GRID1: variants seen among roughly 807,000 people sequenced by gnomAD.
GRID1 encodes the protein glutamate ionotropic receptor delta type subunit 1, also known as glutamate receptor ionotropic, delta-1.
A neutral mutation model predicts 98.0 loss-of-function variants in GRID1; 28 were observed. The observed-to-expected ratio is 0.29, with a 90% CI of 0.21 to 0.39. The LOEUF (loss-of-function observed/expected upper bound fraction) is 0.39, where lower values mean the gene tolerates loss of function less well. Ranked by LOEUF, GRID1 falls within the 10% of genes least tolerant of loss-of-function variation. GRID1 has a pLI of 1.00. For missense variants in GRID1, 1,111 were observed against 1,340.5 expected (o/e 0.83, Z 2.67); for synonymous variants, 553 against 538.5 (o/e 1.03, Z -0.37).
chr10:85,693,549 G>GT (rs1256812781), intron 12 of GRID1, among the ~76,000 whole-genome samples: 1 of 150,320 alleles, frequency 6.7e-6, no homozygotes, highest in African/African-American at 2.5e-5. Flanking sequence ...CAAGGCTATA[G>GT]TAAAAAAAAA....
intron 2 of GRID1, among the ~76,000 whole-genome samples, chr10:86,329,114 G>T (rs372678241): frequency 5.3e-5 from 8 of 152,212 alleles, no homozygotes; most frequent in Non-Finnish European, 1.0e-4. Flanking sequence ...ACAAATATCC[G>T]CCAGCATTGC....
chr10:85,657,528 A>C (rs974124417), intron 12 of GRID1, among the ~76,000 whole-genome samples: 1 of 152,240 alleles, frequency 6.6e-6, no homozygotes, highest in East Asian at 1.9e-4. Context: ...TTGGCCTTTA[A>C]AAATATCTAG....
chr10:85,866,259 T>C (rs1843220301), intron 6 of GRID1, among the ~76,000 whole-genome samples: 1 of 140,084 alleles, frequency 7.1e-6, no homozygotes, highest in Admixed American at 7.5e-5. Flanking sequence ...CCTGCAGTGA[T>C]GCCTTTAAAA....
intron 12 of GRID1, among the ~76,000 whole-genome samples, chr10:85,658,266 T>C (rs921597035): frequency 1.3e-5 from 2 of 152,198 alleles, no homozygotes; most frequent in Non-Finnish European, 2.9e-5. Flanking sequence ...CCCTCTAGTG[T>C]GTCAGCTTCT....
chr10:86,105,164 C>T (rs904227391), intron 4 of GRID1, among the ~76,000 whole-genome samples: 3 of 152,148 alleles, frequency 2.0e-5, no homozygotes, highest in South Asian at 2.1e-4. Context: ...TTCAATTTAA[C>T]GAGCCATGTT....
At chr10:85,875,499 A>G (rs1247372074) in intron 5 of GRID1, among the ~76,000 whole-genome samples, 1 of 152,100 alleles carries the variant, frequency 6.6e-6, no homozygotes, top group African/African-American at 2.4e-5. Flanking sequence ...GATTATTTAT[A>G]TATTTGGATT....
intron 12 of GRID1, among the ~76,000 whole-genome samples, chr10:85,691,707 T>C (rs1391127513): frequency 6.6e-6 from 1 of 152,226 alleles, no homozygotes; most frequent in Non-Finnish European, 1.5e-5. Flanking sequence ...TTCTCCCAAA[T>C]TTCCCACTAC....
chr10:85,964,577 G>A (rs1328875070), intron 4 of GRID1, among the ~76,000 whole-genome samples: 2 of 152,004 alleles, frequency 1.3e-5, no homozygotes, highest in South Asian at 4.1e-4. Flanking sequence ...TTGAGAAAAC[G>A]GGCTAGCCAT....
intron 2 of GRID1, among the ~76,000 whole-genome samples, chr10:86,319,957 A>G (rs1307354813): frequency 6.6e-6 from 1 of 152,252 alleles, no homozygotes; most frequent in East Asian, 1.9e-4. Flanking sequence ...AAATGCAATT[A>G]CATGTTCAAA....
intron 12 of GRID1, among the ~76,000 whole-genome samples, chr10:85,689,598 T>C (rs1300332176): frequency 2.6e-5 from 4 of 151,878 alleles, no homozygotes; most frequent in Non-Finnish European, 5.9e-5. Context: ...AATCCTCAAA[T>C]ACAACAAAAA....
intron 14 of GRID1, among the ~76,000 whole-genome samples, chr10:85,618,418 C>T (rs780575151): frequency 6.6e-6 from 1 of 152,216 alleles, no homozygotes; most frequent in Non-Finnish European, 1.5e-5. Flanking sequence ...ACCTCAAGAA[C>T]ACCAACGTGT....
At chr10:85,824,272 T>C (rs1348745589) in intron 8 of GRID1, among the ~76,000 whole-genome samples, 2 of 152,136 alleles carry the variant, frequency 1.3e-5, no homozygotes. Context: ...AGTGCAGTGG[T>C]GCGATCTTGG....
intron 13 of GRID1, among the ~76,000 whole-genome samples, chr10:85,634,285 TCTCTCTCACACA>T (rs774068893): frequency 4.3e-5 from 6 of 140,136 alleles, no homozygotes; most frequent in African/African-American, 1.8e-4. Flanking sequence ...TCTCTCTCTC[TCTCTCTCACACA>T]CACACACACA....
At chr10:85,844,341 T>C (rs1842986648) in intron 8 of GRID1, among the ~76,000 whole-genome samples, 1 of 151,650 alleles carries the variant, frequency 6.6e-6, no homozygotes, top group Non-Finnish European at 1.5e-5. Context: ...GGAATCTTCT[T>C]GGTAACAAAA....
intron 12 of GRID1, among the ~76,000 whole-genome samples, chr10:85,673,783 T>C (rs945766900): frequency 1.3e-5 from 2 of 152,262 alleles, no homozygotes; most frequent in African/African-American, 4.8e-5. Context: ...ATATTCACTT[T>C]ATTGAGATGA....
intron 4 of GRID1, among the ~76,000 whole-genome samples, chr10:86,068,651 C>T (rs1358443624): frequency 6.6e-6 from 1 of 152,168 alleles, no homozygotes; most frequent in Non-Finnish European, 1.5e-5. Context: ...AGCGACGGTG[C>T]CTCAGATACT....
Position 85,602,591 on chromosome 10 carries a change from C to T in GRID1, c.2712G>A (p.Glu904=). Residue 904 remains glutamate (E), a synonymous_variant, in exon 16 of 16, where the codon GAG becomes GAA. Transcript: ENST00000327946. ...TCTGGGTGGGAGCCAGGCCCCCCATCTCCAGGGCCGAGAGCTCAATCGACG... is the reference window on the plus strand; with the variant it reads ...TCTGGGTGGGAGCCAGGCCCCCCATTTCCAGGGCCGAGAGCTCAATCGACG... The part of the protein sequence containing the change: ...SPASIELSAL[E]MGGLAPTQTL... 6.2e-7 allele frequency: 1 copy of T among 1,614,020 alleles called. No homozygotes were observed.
At chr10:85,965,112 G>A (rs1842320004) in intron 4 of GRID1, among the ~76,000 whole-genome samples, 2 of 152,200 alleles carry the variant, frequency 1.3e-5, no homozygotes, top group Admixed American at 6.5e-5. Context: ...AGTTAGAATG[G>A]CAATCATTGA....
rs117769197 is a variant in GRID1, at chr10:86,240,224, G to A, written c.236-33576C>T. 6.1e-3 allele frequency among the ~76,000 whole-genome samples: 922 copies of A among 152,344 alleles called. 8 individuals are homozygous for A. Among genetic ancestry groups the A allele is most frequent in the Non-Finnish European group, 8.6e-3 (586 of 68,028 alleles). The stretch of plus-strand genomic sequence containing the variant: ...GATAAGGAAACTGTGGCTCAGAAGC[G>A]GACACTGTACCTGAGGCCCATGGCT... On this transcript the variant is annotated intron_variant, in intron 2 of 15. Transcript: ENST00000327946.
Sources: gnomAD v4.1 joint callset for allele counts (sites outside exome capture counted in the v4.1 genomes callset) on GRCh38, gnomAD v4.1.1 for gene constraint, MANE v1.5 for transcripts, NCBI Gene and HGNC (gene_info 2026-07-23, HGNC 2026-07-21) for gene names.